VSTM4: variants seen among roughly 807,000 people sequenced by gnomAD.
VSTM4 encodes V-set and transmembrane domain containing 4.
A neutral mutation model predicts 36.4 loss-of-function variants in VSTM4; 20 were observed. The ratio of observed to expected loss-of-function variants is 0.55; its 90% confidence interval spans 0.39 to 0.80. The LOEUF is 0.80. VSTM4 is among the 30% of genes least tolerant of loss of function. The pLI, the probability that VSTM4 is intolerant of heterozygous loss-of-function variation, is 0.00. For synonymous variants in VSTM4, 182 were observed against 173.9 expected (o/e 1.05, Z -0.37); for missense variants, 392 against 404.5 (o/e 0.97, Z 0.26).
intron 4 of VSTM4, among the ~76,000 whole-genome samples, 196 bp from the exon 5 acceptor site, chr10:49,064,932 T>C (rs975997149): frequency 6.6e-6 from 1 of 152,228 alleles, no homozygotes; most frequent in African/African-American, 2.4e-5. Flanking sequence ...TGACTGGATA[T>C]GTCCCAGCCA....
intron 3 of VSTM4, among the ~76,000 whole-genome samples, chr10:49,079,625 C>G (rs998474446): frequency 3.9e-5 from 6 of 152,128 alleles, no homozygotes; most frequent in African/African-American, 1.2e-4. Flanking sequence ...AATGCACACA[C>G]AAAGGCTTTC....
At chr10:49,104,262 G>T (rs1844723227) in intron 2 of VSTM4, among the ~76,000 whole-genome samples, 1 of 152,134 alleles carries the variant, frequency 6.6e-6, no homozygotes. Flanking sequence ...TCACACCACT[G>T]CACTCCAGCC....
intron 1 of VSTM4, among the ~76,000 whole-genome samples, chr10:49,112,913 AC>A (rs1404115273): frequency 1.3e-5 from 2 of 152,204 alleles, no homozygotes; most frequent in Admixed American, 6.5e-5. Context: ...AGCCTAGGAC[AC>A]CGTTGTAGCT....
rs1359861854 is a variant in VSTM4 at position 49,085,972 on chromosome 10, G to C, written c.509C>G (p.Thr170Ser). ...AGCTTTACCTTCAAAAAATGCCCAA[G>C]TCTCTTTTGTTTTCTCAAAGGATGA... ...EESSFEKTKE[T>S]WAFFEDLYVY... The change falls in exon 3 of 8, where the codon ACT (threonine) becomes AGT (serine). Residue 170 changes from threonine to serine, a missense_variant. By Grantham distance (58) the Thr-to-Ser change is moderately conservative. Transcript: ENST00000332853. 6.3e-7 allele frequency: 1 copy of C among 1,591,280 alleles called. No homozygotes were observed. Among genetic ancestry groups the C allele is most frequent in the Non-Finnish European group, 8.5e-7 (1 of 1,170,870 alleles).
At chr10:49,075,931 C>T (rs1428539773) in intron 4 of VSTM4, among the ~76,000 whole-genome samples, 2 of 152,178 alleles carry the variant, frequency 1.3e-5, no homozygotes. Context: ...CAGCTGCCTC[C>T]TGGTTTGTCA....
intron 4 of VSTM4, 96 bp downstream of exon 4, chr10:49,077,123 A>C (rs1844192001): frequency 8.0e-7 from 1 of 1,250,292 alleles, no homozygotes; most frequent in African/African-American, 1.5e-5. Flanking sequence ...CTCACAATGC[A>C]CTTTTCCACC....
At chr10:49,085,340 A>AG (rs773917005) in intron 3 of VSTM4, among the ~76,000 whole-genome samples, 27 of 152,248 alleles carry the variant, frequency 1.8e-4, no homozygotes, top group Non-Finnish European at 5.9e-5. Flanking sequence ...GATGTGGTCC[A>AG]GGCATTCATG....
chr10:49,023,963 A>G (rs1034664411), intron 7 of VSTM4, among the ~76,000 whole-genome samples: 14 of 152,206 alleles, frequency 9.2e-5, no homozygotes, highest in Non-Finnish European at 1.5e-4. Flanking sequence ...CGAGTTTTAC[A>G]TTTATATCCA....
intron 5 of VSTM4, among the ~76,000 whole-genome samples, chr10:49,052,703 T>C (rs1387866365): frequency 6.6e-6 from 1 of 152,232 alleles, no homozygotes; most frequent in African/African-American, 2.4e-5. Context: ...CGGTGTAGAA[T>C]CAAATAATAT....
chr10:49,093,904 C>T (rs546009166), intron 2 of VSTM4, among the ~76,000 whole-genome samples: 5 of 152,070 alleles, frequency 3.3e-5, no homozygotes, highest in East Asian at 1.9e-4. Flanking sequence ...CCTGCCATAA[C>T]GCCCAGCTAA....
At chr10:49,025,553 G>A (rs1843247849) in intron 7 of VSTM4, among the ~76,000 whole-genome samples, 1 of 152,168 alleles carries the variant, frequency 6.6e-6, no homozygotes, top group Admixed American at 6.5e-5. Context: ...CCTTGACCCT[G>A]GGCTGCAACA....
intron 2 of VSTM4, among the ~76,000 whole-genome samples, chr10:49,097,036 A>C (rs1020485458): frequency 6.6e-6 from 1 of 152,026 alleles, no homozygotes; most frequent in South Asian, 2.1e-4. Context: ...TAATGACTAC[A>C]TCACTCCTGT....
At chr10:49,072,269 A>C (rs1300599058) in intron 4 of VSTM4, among the ~76,000 whole-genome samples, 1 of 152,134 alleles carries the variant, frequency 6.6e-6, no homozygotes, top group African/African-American at 2.4e-5. Flanking sequence ...AGACTTTAGA[A>C]TCACTGTCAG....
intron 7 of VSTM4, among the ~76,000 whole-genome samples, chr10:49,045,132 C>T (rs1166677185): frequency 1.4e-4 from 21 of 152,052 alleles, no homozygotes. Context: ...CATATAAATC[C>T]TCCACCTTGC....
At chr10:49,087,920 T>TACATATGTAATATATATGTATATATAC (rs1844399480) in intron 2 of VSTM4, among the ~76,000 whole-genome samples, 1 of 142,676 alleles carries the variant, frequency 7.0e-6, no homozygotes, top group Non-Finnish European at 1.5e-5. Flanking sequence ...TGTATATATA[T>TACATATGTAATATATATGTATATATAC]ACATATGTAA....
chr10:49,080,712 G>A (rs1338358491), intron 3 of VSTM4, among the ~76,000 whole-genome samples: 1 of 152,204 alleles, frequency 6.6e-6, no homozygotes, highest in East Asian at 1.9e-4. Flanking sequence ...AGCACTGTAA[G>A]AAGGATGCCT....
intron 2 of VSTM4, among the ~76,000 whole-genome samples, chr10:49,092,447 A>C (rs894422597): frequency 2.0e-5 from 3 of 152,230 alleles, no homozygotes; most frequent in Non-Finnish European, 2.9e-5. Context: ...TAGAACTCAA[A>C]ACTAAACCAA....
chr10:49,039,290 C>T (rs1230809427), intron 7 of VSTM4, among the ~76,000 whole-genome samples: 3 of 151,936 alleles, frequency 2.0e-5, no homozygotes, highest in Admixed American at 2.0e-4. Flanking sequence ...GTGGGGTGGG[C>T]CTGAGGGAGC....
intron 7 of VSTM4, among the ~76,000 whole-genome samples, chr10:49,026,067 A>G (rs978490590): frequency 2.0e-5 from 3 of 152,224 alleles, no homozygotes; most frequent in African/African-American, 7.2e-5. Flanking sequence ...CAGGGAAGCT[A>G]TCATACTAGG....
Sources: gnomAD v4.1 joint callset for allele counts (sites outside exome capture counted in the v4.1 genomes callset) on GRCh38, gnomAD v4.1.1 for gene constraint, MANE v1.5 for transcripts, NCBI Gene and HGNC (gene_info 2026-07-23, HGNC 2026-07-21) for gene names.